Variants in TBX5 observed in about 807,000 individuals in gnomAD.
TBX5 encodes the protein T-box transcription factor 5.
A neutral mutation model predicts 51.1 loss-of-function variants in TBX5; 8 were observed. The ratio of observed to expected loss-of-function variants is 0.16; its 90% CI spans 0.09 to 0.28. TBX5 has a LOEUF of 0.28. TBX5 is among the 10% of genes least tolerant of loss of function. The pLI, the probability that TBX5 is intolerant of heterozygous loss-of-function variation, is 1.00. For missense variants in TBX5, 589 were observed against 671.7 expected (o/e 0.88, Z 1.36); for synonymous variants, 302 against 266.4 (o/e 1.13, Z -1.30).
rs146269931 is a variant in TBX5, at chr12:114,355,905, T to C, written c.1184A>G (p.Asp395Gly). The C allele has an allele frequency of 3.1e-6, 5 of 1,613,680 alleles. No individual in the cohort carries two copies. In the African/African-American group the frequency reaches 6.7e-5, roughly 22 times the overall value. Residue 395 changes from aspartate (D) to glycine (G), a missense_variant, in exon 9 of 9, where the codon GAC becomes GGC. Transcript: ENST00000405440. ...GCTTGGCCACGTGTTGCAGCTGATG[T>C]CCTCTAGGCTGGGCACAGGCTCGCT... ...PPSEPVPSLE[D>G]ISCNTWPSMP...
In TBX5 at chr12:114,367,300, G is replaced by A. The variant is rs547449202; in HGVS notation, c.756-909C>T. On this transcript the variant is annotated intron_variant, in intron 7 of 8. Coordinates refer to ENST00000405440, the MANE Select transcript of TBX5 (RefSeq NM_181486.4). ...AAATCAGCATGGGATCTAAGATTAC[G>A]CAGCTCCCAATTCAGGCCCCATCCC... Among the ~76,000 whole-genome samples the A allele has an allele frequency of 6.0e-5, 8 of 133,012 alleles. 1 individual carries two copies. The highest frequency in any genetic ancestry group is 1.6e-4 in the African/African-American group (6 of 38,200). The allele number at this position is 133,012 out of a possible 152,430, so 87.3% of individuals were successfully genotyped here.
At position 114,403,675 on chromosome 12, in the gene TBX5, G is replaced by T. The variant is rs1466193446; in HGVS notation, c.147+77C>A. On this transcript the variant is annotated intron_variant, in intron 2 of 8. Coordinates refer to ENST00000405440, the MANE Select transcript of TBX5 (RefSeq NM_181486.4). ...TTTATTTTGTTTTTGTTCTGTCCCC[G>T]CAAGAGAAGCCGAGCAGGAAAGCCA... is the stretch of plus-strand genomic sequence containing the variant. The T allele has an allele frequency of 8.3e-6, 13 of 1,575,564 alleles. No individual in the cohort carries two copies. In the East Asian group the frequency reaches 9.0e-5, roughly 11 times the overall value.
chr12:114,404,950 A>T (rs1043108452), intron 1 of TBX5, among the ~76,000 whole-genome samples: 1 of 152,204 alleles, frequency 6.6e-6, no homozygotes, highest in African/African-American at 2.4e-5. Flanking sequence ...AGCTTAGAAC[A>T]CACAAAATAA....
chr12:114,396,046 G>C (rs1185414736), intron 5 of TBX5, among the ~76,000 whole-genome samples: 1 of 152,158 alleles, frequency 6.6e-6, no homozygotes, highest in Non-Finnish European at 1.5e-5. Context: ...GGTTGTCTCT[G>C]TGACTTTGAT....
Position 114,355,583 on chromosome 12 carries a change from G to A in TBX5, c.1506C>T (p.Tyr502=), listed in dbSNP as rs752953396. 6 of 1,614,090 alleles carry A rather than the reference G, an allele frequency of 3.7e-6. No individual in the cohort carries two copies. The Admixed American group carries it at 6.7e-5, about 18-fold the overall frequency. The part of the protein sequence containing the change: ...GVPRTLSPHQ[Y]HSVHGVGMVP... ...CCATGCCAACTCCGTGCACAGAGTG[G>A]TACTGATGAGGGGATAGAGTCCTTG... Residue 502 remains tyrosine, a synonymous_variant, in exon 9 of 9, where the codon TAC becomes TAT. Coordinates refer to ENST00000405440, the MANE Select transcript of TBX5 (RefSeq NM_181486.4).
intron 7 of TBX5, among the ~76,000 whole-genome samples, chr12:114,366,810 T>C (rs1202536363): frequency 6.6e-6 from 1 of 152,170 alleles, no homozygotes; most frequent in Non-Finnish European, 1.5e-5. Flanking sequence ...ATCTTTAAGG[T>C]GGGGCTCAGG....
Position 114,355,493 on chromosome 12 carries a change from CTT to C in TBX5, c.*37_*38del, listed in dbSNP as rs773782075. 2.2e-5 allele frequency: 36 copies of C among 1,603,384 alleles called. No homozygotes were observed. The highest frequency in any genetic ancestry group is 3.1e-5 in the Non-Finnish European group (36 of 1,171,474). On this transcript the variant is annotated 3_prime_UTR_variant, in exon 9 of 9. Transcript: ENST00000405440. ...CTCTCTCTTTCTCCTCTCTCTCTCT[CTT>C]TCTCTAGGAAATGTCTGTTGTGAAG...
chr12:114,371,967 G>A (rs1869934307), intron 7 of TBX5, among the ~76,000 whole-genome samples: 1 of 152,090 alleles, frequency 6.6e-6, no homozygotes, highest in Non-Finnish European at 1.5e-5. Context: ...ACCAGCAGGA[G>A]AAGGGCGCTG....
At position 114,356,027 on chromosome 12, in the gene TBX5, G is replaced by A; in HGVS notation, c.1062C>T (p.Tyr354=). 1.2e-6 allele frequency: 2 copies of A among 1,614,122 alleles called. No individual in the cohort carries two copies. The highest frequency in any genetic ancestry group is 1.7e-6 in the Non-Finnish European group (2 of 1,180,036). ...ETSPSEEDSF[Y]RSSYPQQQGL... ...CCTGCTGCTGTGGATAGCTAGAGCG[G>A]TAGAAGGAATCTTCTTCACTGGGTG... is the stretch of plus-strand genomic sequence containing the variant. The change falls in exon 9 of 9, where the codon TAC becomes TAT. Residue 354 remains tyrosine (Y), a synonymous_variant. Transcript: ENST00000405440.
At chr12:114,372,263 G>C (rs1318661241) in intron 7 of TBX5, among the ~76,000 whole-genome samples, 2 of 152,072 alleles carry the variant, frequency 1.3e-5, no homozygotes, top group African/African-American at 4.8e-5. Flanking sequence ...AAAAGAATGG[G>C]GGTGAGGGCA....
Position 114,389,753 on chromosome 12 carries a change from C to CA in TBX5, c.664-4187dup, listed in dbSNP as rs55649814. Among the ~76,000 whole-genome samples, 91 of 40,274 alleles carry CA rather than the reference C, an allele frequency of 2.3e-3. 13 individuals are homozygous for CA. The highest frequency in any genetic ancestry group is 3.1e-3 in the Admixed American group (8 of 2,564). The allele number at this position is 40,274 out of a possible 152,430, so 26.4% of individuals were successfully genotyped here. On this transcript the variant is annotated intron_variant, in intron 6 of 8. Coordinates refer to ENST00000405440, the MANE Select transcript of TBX5 (RefSeq NM_181486.4). ...TGGGCGACAGAGCGAGACTCCGTCT[C>CA]AAAAAAAAAAAAAAAAAAAAAAAAA...
intron 7 of TBX5, among the ~76,000 whole-genome samples, chr12:114,382,530 G>T (rs2136394016): frequency 6.6e-6 from 1 of 151,928 alleles, no homozygotes; most frequent in East Asian, 1.9e-4. Context: ...TAGGCGTGGT[G>T]GCTCACGCCT....
chr12:114,408,147 G>A, upstream of TBX5: 7 of 985,408 alleles, frequency 7.1e-6, no homozygotes, highest in Non-Finnish European at 8.4e-6. Context: ...ACGTTTGGCT[G>A]GGGGGCAGCG....
At chr12:114,388,641 C>G (rs941751037) in intron 6 of TBX5, among the ~76,000 whole-genome samples, 5 of 150,534 alleles carry the variant, frequency 3.3e-5, no homozygotes, top group East Asian at 3.9e-4. Flanking sequence ...CTATTCCTAC[C>G]CTAAAGTTTA....
At chr12:114,397,788 A>G (rs1871518512) in intron 5 of TBX5, among the ~76,000 whole-genome samples, 1 of 152,076 alleles carries the variant, frequency 6.6e-6, no homozygotes, top group African/African-American at 2.4e-5. Flanking sequence ...GAAAAAAAAC[A>G]GATCTCCCCG....
At position 114,366,235 on chromosome 12, in the gene TBX5, G is replaced by A; in HGVS notation, c.912C>T (p.Leu304=). The change falls in exon 8 of 9, where the codon CTC becomes CTT. Residue 304 remains leucine (L), a synonymous_variant. Transcript: ENST00000405440. The stretch of plus-strand genomic sequence containing the variant: ...GTGGGTATGGGTTGGGTGGAGGCAG[G>A]AGGTCCTGGGAGGGGCCGGAAACAC... ...ENGVSGPSQD[L]LPPPNPYPLP... 2 of 1,614,102 alleles carry A rather than the reference G, an allele frequency of 1.2e-6. No individual in the cohort carries two copies. Among genetic ancestry groups the A allele is most frequent in the East Asian group, 2.2e-5 (1 of 44,868 alleles).
chr12:114,391,008 T>C (rs1322268514), intron 6 of TBX5, among the ~76,000 whole-genome samples: 2 of 152,138 alleles, frequency 1.3e-5, no homozygotes, highest in Non-Finnish European at 2.9e-5. Context: ...GGCCCAGTGG[T>C]ATATGGGTAT....
At chr12:114,385,612 G>T in intron 6 of TBX5, 45 bp from the exon 7 acceptor site, 1 of 1,477,900 alleles carries the variant, frequency 6.8e-7, no homozygotes, top group Non-Finnish European at 9.5e-7. Flanking sequence ...TCACTTGATT[G>T]CTGCAAGACC....
chr12:114,372,686 C>A (rs1452072838), intron 7 of TBX5, among the ~76,000 whole-genome samples: 2 of 152,080 alleles, frequency 1.3e-5, no homozygotes, highest in African/African-American at 4.8e-5. Context: ...TCTCCCTGGC[C>A]TTAAGTACCC....
Sources: gnomAD v4.1 joint callset for allele counts (sites outside exome capture counted in the v4.1 genomes callset) on GRCh38, gnomAD v4.1.1 for gene constraint, MANE v1.5 for transcripts, NCBI Gene and HGNC (gene_info 2026-07-23, HGNC 2026-07-21) for gene names.